Variants in CMSS1 observed in about 807,000 individuals in gnomAD.
The protein encoded by CMSS1 is protein CMSS1.
In CMSS1, 33 loss-of-function variants were observed where a neutral mutation model predicts 43.5. The ratio of observed to expected loss-of-function variants is 0.76; its 90% confidence interval spans 0.57 to 1.01. CMSS1 has a LOEUF of 1.01. Ranked by LOEUF, CMSS1 falls within the 50% of genes least tolerant of loss-of-function variation. The pLI, the probability that CMSS1 is intolerant of heterozygous loss-of-function variation, is 0.00. For missense variants in CMSS1, 313 were observed against 326.4 expected, an observed-to-expected ratio of 0.96 and a Z score of 0.32; for synonymous variants, 115 against 117.2, an observed-to-expected ratio of 0.98 and a Z score of 0.12.
At chr3:100,151,632 A>C (rs2066909573) in intron 2 of CMSS1, among the ~76,000 whole-genome samples, 1 of 152,176 alleles carries the variant, frequency 6.6e-6, no homozygotes, top group Non-Finnish European at 1.5e-5. Context: ...CTGCCATATT[A>C]AGCGAGTTAG....
chr3:100,103,652 C>T (rs1175145519), intron 1 of CMSS1, among the ~76,000 whole-genome samples: 1 of 152,134 alleles, frequency 6.6e-6, no homozygotes. Context: ...TATTGGTTGC[C>T]AGCATTGCAC....
intron 1 of CMSS1, among the ~76,000 whole-genome samples, chr3:100,135,160 T>C (rs1282854635): frequency 1.3e-5 from 2 of 152,210 alleles, no homozygotes; most frequent in African/African-American, 4.8e-5. Context: ...GAAGAATTTA[T>C]ATAGCAATGC....
chr3:100,007,694 A>G (rs1032938890), intron 1 of CMSS1, among the ~76,000 whole-genome samples: 3 of 152,214 alleles, frequency 2.0e-5, no homozygotes, highest in South Asian at 2.1e-4. Context: ...TGTGTCACTG[A>G]TGGAAGCTAC....
At chr3:99,971,349 AGAG>A (rs1300902153) in intron 1 of CMSS1, among the ~76,000 whole-genome samples, 10 of 149,414 alleles carry the variant, frequency 6.7e-5, no homozygotes, top group Non-Finnish European at 1.2e-4. Flanking sequence ...AAAAAAAAAA[AGAG>A]AATATGGGAT....
rs147510858 is a variant in CMSS1, at chr3:99,944,851, G to A, written c.64+126808G>A. ...CACCAAAGACCTGCATCACAAAGTG[G>A]TGAGAAGAGAAAAAAACATAGATCA... On this transcript the variant is annotated intron_variant, in intron 1 of 9. Coordinates refer to ENST00000421999, the MANE Select transcript of CMSS1 (RefSeq NM_032359.4). 4.5e-3 allele frequency among the ~76,000 whole-genome samples: 686 copies of A among 152,276 alleles called. 7 individuals carry two copies. Among genetic ancestry groups the A allele is most frequent in the African/African-American group, 0.016 (670 of 41,552 alleles).
intron 1 of CMSS1, among the ~76,000 whole-genome samples, chr3:99,962,031 G>A (rs1417355837): frequency 6.6e-6 from 1 of 152,116 alleles, no homozygotes; most frequent in Non-Finnish European, 1.5e-5. Flanking sequence ...GGGATGTCGG[G>A]GAAATTTTTC....
intron 1 of CMSS1, among the ~76,000 whole-genome samples, chr3:99,869,433 AATAAT>A (rs1157467811): frequency 6.6e-6 from 1 of 152,230 alleles, no homozygotes; most frequent in Non-Finnish European, 1.5e-5. Context: ...TATTTATTTT[AATAAT>A]ATGAGTGTTT....
chr3:100,141,658 T>A (rs2066806430), intron 1 of CMSS1: 1 of 430,746 alleles, frequency 2.3e-6, no homozygotes, highest in Non-Finnish European at 4.6e-6. Flanking sequence ...AAAGAGAAGA[T>A]GTGCAACCTT....
rs1423435252 is a variant in CMSS1 at position 99,983,444 on chromosome 3, A to ATG, written c.65-163527_65-163526dup. 7.3e-4 allele frequency among the ~76,000 whole-genome samples: 22 copies of ATG among 30,020 alleles called. 1 individual carries two copies. Among genetic ancestry groups the ATG allele is most frequent in the African/African-American group, 2.5e-3 (19 of 7,576 alleles). The allele number at this position is 30,020 out of a possible 152,430, so 19.7% of individuals were successfully genotyped here. A position where few individuals can be genotyped will look rare whatever the true frequency, so the allele number is the denominator to read the frequency against. On this transcript the variant is annotated intron_variant, in intron 1 of 9. Transcript: ENST00000421999. ...TGTATGTATGTATGTATATATATGTATGTATATATATATATGTGTGTATAT... is the reference window on the plus strand; with the variant it reads ...TGTATGTATGTATGTATATATATGTATGTGTATATATATATATGTGTGTATAT...
At chr3:100,143,050 G>A (rs1373168945) in intron 1 of CMSS1, among the ~76,000 whole-genome samples, 3 of 152,178 alleles carry the variant, frequency 2.0e-5, no homozygotes, top group African/African-American at 7.2e-5. Context: ...GCAAGAGGAA[G>A]AAGGAGAAAC....
intron 1 of CMSS1, among the ~76,000 whole-genome samples, chr3:99,840,328 A>T (rs925500706): frequency 2.1e-5 from 3 of 144,570 alleles, no homozygotes; most frequent in South Asian, 2.2e-4. Flanking sequence ...GGTTGAAGCG[A>T]TTCTCCTGCC....
intron 1 of CMSS1, among the ~76,000 whole-genome samples, chr3:99,830,866 G>A (rs1202340642): frequency 1.3e-5 from 2 of 152,214 alleles, no homozygotes; most frequent in Admixed American, 1.3e-4. Context: ...CAATCACGGT[G>A]TAGTAGGACA....
At chr3:100,129,909 A>T (rs1310057434) in intron 1 of CMSS1, among the ~76,000 whole-genome samples, 1 of 152,082 alleles carries the variant, frequency 6.6e-6, no homozygotes, top group Non-Finnish European at 1.5e-5. Context: ...CTTCAACTTT[A>T]CTTTTCTTTT....
chr3:100,116,589 G>A (rs1018809346), intron 1 of CMSS1, among the ~76,000 whole-genome samples: 3 of 152,126 alleles, frequency 2.0e-5, no homozygotes, highest in African/African-American at 7.2e-5. Flanking sequence ...TTGCTTCCAG[G>A]CCCTTTCAGG....
chr3:99,983,491 T>A lies in CMSS1; in HGVS notation c.65-163482T>A, dbSNP rs1468751396. Among the ~76,000 whole-genome samples, 49 of 37,428 alleles carry A rather than the reference T, an allele frequency of 1.3e-3. 6 individuals carry two copies. Among genetic ancestry groups the A allele is most frequent in the African/African-American group, 4.6e-3 (49 of 10,538 alleles). 24.6% of individuals were successfully genotyped at this position (37,428 alleles called of 152,430 possible). A position where few individuals can be genotyped will look rare whatever the true frequency, so the allele number is the denominator to read the frequency against. ...ATATATATATATATATATATATATA[T>A]ATATATATATATATATATGTATATA... On this transcript the variant is annotated intron_variant, in intron 1 of 9. Transcript: ENST00000421999.
chr3:99,885,896 C>T (rs1393013024), intron 1 of CMSS1, among the ~76,000 whole-genome samples: 1 of 152,160 alleles, frequency 6.6e-6, no homozygotes, highest in Non-Finnish European at 1.5e-5. Context: ...GAATCTATTT[C>T]CCAAAGGCTG....
intron 1 of CMSS1, among the ~76,000 whole-genome samples, chr3:100,048,177 C>G (rs144358041): frequency 1.2e-4 from 18 of 152,374 alleles, no homozygotes; most frequent in African/African-American, 4.3e-4. Flanking sequence ...CTCTGCTGAA[C>G]AGCCCTCAGG....
At chr3:99,941,208 C>T (rs550132711) in intron 1 of CMSS1, among the ~76,000 whole-genome samples, 3 of 151,828 alleles carry the variant, frequency 2.0e-5, no homozygotes, top group South Asian at 2.1e-4. Flanking sequence ...TTTAGACACA[C>T]GGAGTTGATA....
At chr3:99,854,439 A>G (rs191570724) in intron 1 of CMSS1, among the ~76,000 whole-genome samples, 1 of 152,202 alleles carries the variant, frequency 6.6e-6, no homozygotes, top group East Asian at 1.9e-4. Context: ...AGAACTCTGC[A>G]GATCTAAAAT....
Sources: allele counts gnomAD v4.1 joint callset (sites outside exome capture counted in the v4.1 genomes callset), GRCh38; gene constraint gnomAD v4.1.1; transcripts MANE v1.5; gene names NCBI Gene and HGNC (gene_info 2026-07-23, HGNC 2026-07-21).